NLRC5: variants seen among roughly 807,000 people sequenced by gnomAD.
NLRC5 encodes the protein NLR family CARD domain containing 5.
A neutral mutation model predicts 206.9 loss-of-function variants in NLRC5; 114 were observed. The observed-to-expected ratio is 0.55, with a 90% CI of 0.47 to 0.64. The LOEUF is 0.64. Among genes scored for constraint, NLRC5 ranks in the 30% least tolerant of loss-of-function variants. NLRC5 has a pLI of 0.00. For missense variants in NLRC5, 2,008 were observed against 2,305.5 expected, an observed-to-expected ratio of 0.87 and a Z score of 2.64; for synonymous variants, 952 against 962.8, an observed-to-expected ratio of 0.99 and a Z score of 0.21.
rs1432685125 is a variant in NLRC5, at chr16:57,067,641, G to GCAC, written c.4407-94_4407-93insACC. 44 of 1,388,456 alleles carry GCAC rather than the reference G, an allele frequency of 3.2e-5. No homozygotes were observed. The East Asian group carries it at 5.3e-4, about 17-fold the overall frequency. 86.0% of individuals were successfully genotyped at this position (1,388,456 alleles called of 1,614,324 possible). A position where few individuals can be genotyped will look rare whatever the true frequency, so the allele number is the denominator to read the frequency against. On this transcript the variant is annotated intron_variant, in intron 35 of 48. Transcript: ENST00000688547. ...GGTGGCTCAGGGGAGCTCTTGGGTGGCCCCTTCTCCTCTCTTGGCACCCCC... is the reference window on the plus strand; with the variant it reads ...GGTGGCTCAGGGGAGCTCTTGGGTGGCACCCCCTTCTCCTCTCTTGGCACCCCC...
chr16:57,063,539 CT>C (rs1304395097), intron 32 of NLRC5, among the ~76,000 whole-genome samples: 1 of 152,100 alleles, frequency 6.6e-6, no homozygotes, highest in East Asian at 1.9e-4. Context: ...TCCCTGCTTT[CT>C]TTTTTTAAAT....
At chr16:57,065,376 C>G in intron 33 of NLRC5, 78 bp downstream of exon 33, 7 of 1,020,828 alleles carry the variant, frequency 6.9e-6, no homozygotes, top group Middle Eastern at 2.2e-4. Flanking sequence ...CTTCCCTCAT[C>G]CTGTGGGGTA....
intron 13 of NLRC5, 90 bp downstream of exon 13, chr16:57,034,341 G>C (rs1240939914): frequency 6.8e-6 from 6 of 887,642 alleles, no homozygotes; most frequent in Non-Finnish European, 1.1e-5. Flanking sequence ...GTGGTGTGGG[G>C]GAGGGGCATG....
chr16:57,068,640 A>T (rs1225338693), intron 36 of NLRC5, among the ~76,000 whole-genome samples: 1 of 152,164 alleles, frequency 6.6e-6, no homozygotes, highest in Non-Finnish European at 1.5e-5. Flanking sequence ...TCTCTTCCAT[A>T]ATCCAGTAAA....
intron 37 of NLRC5, 103 bp downstream of exon 37, chr16:57,070,022 C>A: frequency 1.2e-6 from 1 of 863,734 alleles, no homozygotes; most frequent in Non-Finnish European, 1.8e-6. Flanking sequence ...AGACTTCAAC[C>A]AATGACCCTT....
rs1165314996 is a variant in NLRC5 at position 57,033,759 on chromosome 16, G to A, written c.2543+90G>A. On this transcript the variant is annotated intron_variant, in intron 12 of 48. Coordinates refer to ENST00000688547, the MANE Select transcript of NLRC5 (RefSeq NM_001384950.1). Reference sequence around the variant, plus strand: ...GAGAGCAGGGGCAGGGAGGATAAAGGGAAAAGCAGATGAGGGACAGGGAAA... The same window carrying A: ...GAGAGCAGGGGCAGGGAGGATAAAGAGAAAAGCAGATGAGGGACAGGGAAA... 4.7e-6 allele frequency: 6 copies of A among 1,269,534 alleles called. No homozygotes were observed. The South Asian group carries it at 6.0e-5, about 13-fold the overall frequency. 78.6% of individuals were successfully genotyped at this position (1,269,534 alleles called of 1,614,324 possible).
chr16:57,053,339 T>C (rs2065178547), intron 24 of NLRC5, among the ~76,000 whole-genome samples: 1 of 151,954 alleles, frequency 6.6e-6, no homozygotes. Context: ...TGAGGCATGA[T>C]TAAGCTTGGT....
chr16:57,041,932 A>G (rs2063332718), intron 18 of NLRC5, 50 bp from the exon 19 acceptor site: 6 of 1,291,086 alleles, frequency 4.6e-6, no homozygotes, highest in East Asian at 2.5e-5. Context: ...GCTGCCAGCA[A>G]CCCACTCCCC....
At chr16:57,019,911 G>A (rs1295394565) in intron 2 of NLRC5, among the ~76,000 whole-genome samples, 1 of 152,146 alleles carries the variant, frequency 6.6e-6, no homozygotes, top group Non-Finnish European at 1.5e-5. Flanking sequence ...ATGGTTCATG[G>A]AAATAAGAAT....
chr16:57,080,390 T>C (rs2068976550), intron 46 of NLRC5, among the ~76,000 whole-genome samples: 1 of 152,158 alleles, frequency 6.6e-6, no homozygotes, highest in Non-Finnish European at 1.5e-5. Flanking sequence ...ATACCATTGT[T>C]TGTACTATAT....
intron 24 of NLRC5, among the ~76,000 whole-genome samples, chr16:57,054,433 G>A (rs2065329651): frequency 1.3e-5 from 2 of 152,166 alleles, no homozygotes; most frequent in South Asian, 4.1e-4. Context: ...CCCATGCCCG[G>A]CAGTGCACCT....
chr16:57,040,179 TG>T (rs1285947317), intron 16 of NLRC5, among the ~76,000 whole-genome samples: 2 of 152,318 alleles, frequency 1.3e-5, no homozygotes, highest in South Asian at 2.1e-4. Flanking sequence ...CCTGTAGCTC[TG>T]GTCCTGGTCG....
intron 1 of NLRC5, among the ~76,000 whole-genome samples, chr16:56,993,111 G>C (rs1490265667): frequency 8.4e-6 from 1 of 119,572 alleles, no homozygotes; most frequent in African/African-American, 2.9e-5. Flanking sequence ...ATATATACAC[G>C]TATATATGTG....
At chr16:57,076,374 A>G (rs1334940935) in intron 39 of NLRC5, among the ~76,000 whole-genome samples, 1 of 152,274 alleles carries the variant, frequency 6.6e-6, no homozygotes, top group Non-Finnish European at 1.5e-5. Flanking sequence ...GGGTTTAAGG[A>G]AAAACCTACC....
chr16:56,996,528 G>A (rs2057635496), intron 1 of NLRC5, among the ~76,000 whole-genome samples: 1 of 151,974 alleles, frequency 6.6e-6, no homozygotes, highest in Non-Finnish European at 1.5e-5. Context: ...GTGGCAAGTG[G>A]TACTTCAAAA....
intron 43 of NLRC5, among the ~76,000 whole-genome samples, chr16:57,078,595 C>T (rs559089864): frequency 6.6e-5 from 10 of 151,696 alleles, no homozygotes; most frequent in African/African-American, 2.4e-4. Flanking sequence ...CCTCAGCTAC[C>T]AGAGTAGCTG....
intron 20 of NLRC5, among the ~76,000 whole-genome samples, chr16:57,044,064 C>T (rs1027679118): frequency 6.0e-5 from 9 of 150,086 alleles, no homozygotes; most frequent in Admixed American, 1.3e-4. Flanking sequence ...TTTGGGAGGC[C>T]AAGGTGGGCG....
intron 36 of NLRC5, among the ~76,000 whole-genome samples, chr16:57,068,424 C>T (rs1168579807): frequency 1.5e-5 from 2 of 134,062 alleles, no homozygotes; most frequent in East Asian, 2.0e-4. Flanking sequence ...GAGCGAGGCT[C>T]GGTTTCCGAA....
At chr16:57,081,209 C>T (rs143288332) in intron 47 of NLRC5, 28 bp downstream of exon 47, 78 of 1,533,116 alleles carry the variant, frequency 5.1e-5, no homozygotes, top group Admixed American at 7.8e-5. Context: ...AGGAATGGGA[C>T]GGGCTAAAGG....
Sources: allele counts gnomAD v4.1 joint callset (sites outside exome capture counted in the v4.1 genomes callset), GRCh38; gene constraint gnomAD v4.1.1; transcripts MANE v1.5; gene names NCBI Gene and HGNC (gene_info 2026-07-23, HGNC 2026-07-21).